MYO5B: variants seen among roughly 807,000 people sequenced by gnomAD.
The protein encoded by MYO5B is unconventional myosin-Vb.
MYO5B carries 143 observed loss-of-function variants against 229.3 expected under a neutral mutation model. The observed-to-expected ratio is 0.62, with a 90% confidence interval of 0.54 to 0.72. The LOEUF (loss-of-function observed/expected upper bound fraction) is 0.72, where lower values mean the gene tolerates loss of function less well. Among genes scored for constraint, MYO5B ranks in the 30% least tolerant of loss-of-function variants. The pLI, the probability that MYO5B is intolerant of heterozygous loss-of-function variation, is 0.00. For synonymous variants in MYO5B, 918 were observed against 885.2 expected (o/e 1.04, Z -0.66); for missense variants, 2,321 against 2,331.0 (o/e 1.00, Z 0.09).
At chr18:50,158,617 C>CA (rs2032718082) in intron 1 of MYO5B, among the ~76,000 whole-genome samples, 1 of 152,186 alleles carries the variant, frequency 6.6e-6, no homozygotes, top group African/African-American at 2.4e-5. Flanking sequence ...GAACACCCTT[C>CA]AAAATCACCT....
intron 4 of MYO5B, among the ~76,000 whole-genome samples, chr18:50,004,415 C>T (rs1332233051): frequency 6.6e-6 from 1 of 152,198 alleles, no homozygotes; most frequent in Non-Finnish European, 1.5e-5. Context: ...TTGGAAATCA[C>T]CAGTAGTGCT....
Position 49,912,145 on chromosome 18 carries a change from AC to A in MYO5B, c.2118del (p.Tyr707IlefsTer64). 3 of 1,613,938 alleles carry A rather than the reference AC, an allele frequency of 1.9e-6. No individual in the cohort carries two copies. The highest frequency in any genetic ancestry group is 2.5e-6 in the Non-Finnish European group (3 of 1,179,986). On this transcript the variant is annotated frameshift_variant, in exon 18 of 40. Transcript: ENST00000285039. LOFTEE classifies it high-confidence loss of function. ...SRWAYHDFFN[R>X]YRVLVKKREL... Reference sequence around the variant, plus strand: ...TCTCTCTTCTTGACCAGCACCCGATACCGGTTGAAAAAGTCATGGTAGGCCC... The same window carrying A: ...TCTCTCTTCTTGACCAGCACCCGATACGGTTGAAAAAGTCATGGTAGGCCC...
intron 4 of MYO5B, among the ~76,000 whole-genome samples, chr18:50,009,956 T>A (rs1403895282): frequency 2.0e-5 from 3 of 152,136 alleles, no homozygotes; most frequent in East Asian, 3.9e-4. Flanking sequence ...GATGTCCTCA[T>A]GCAGTCTGCC....
intron 10 of MYO5B, among the ~76,000 whole-genome samples, chr18:49,965,268 C>G (rs1272820809): frequency 6.6e-6 from 1 of 152,200 alleles, no homozygotes. Context: ...TGTGGTCACA[C>G]TCACCATGCC....
Position 49,976,725 on chromosome 18 carries a change from C to T in MYO5B, c.1057-2110G>A, listed in dbSNP as rs543029942. On this transcript the variant is annotated intron_variant, in intron 9 of 39. Transcript: ENST00000285039. ...TTTGGGCCGGGTGGGTGTGGAGAAGCCCCCATCTTTTCACACTCAGCAGAG... is the reference window on the plus strand; with the variant it reads ...TTTGGGCCGGGTGGGTGTGGAGAAGTCCCCATCTTTTCACACTCAGCAGAG... Among the ~76,000 whole-genome samples the T allele has an allele frequency of 1.1e-4, 17 of 152,252 alleles. No homozygotes were observed. The East Asian group carries it at 3.1e-3, about 28-fold the overall frequency.
chr18:49,861,674 A>G (rs1411209499), intron 29 of MYO5B, among the ~76,000 whole-genome samples: 1 of 148,612 alleles, frequency 6.7e-6, no homozygotes, highest in Non-Finnish European at 1.5e-5. Context: ...AAACTGCCCC[A>G]GCCTGAGTCA....
At chr18:49,951,063 G>A (rs955242989) in intron 14 of MYO5B, among the ~76,000 whole-genome samples, 5 of 152,136 alleles carry the variant, frequency 3.3e-5, no homozygotes, top group African/African-American at 7.2e-5. Context: ...AACCCTGGCC[G>A]CCTGGGCTCA....
chr18:50,086,815 A>AT (rs1401337080), intron 1 of MYO5B, among the ~76,000 whole-genome samples: 2 of 152,174 alleles, frequency 1.3e-5, no homozygotes, highest in Non-Finnish European at 2.9e-5. Context: ...AGTAGAGGAG[A>AT]TGAGCAGGCC....
At chr18:50,159,735 C>T (rs897025594) in intron 1 of MYO5B, among the ~76,000 whole-genome samples, 3 of 152,214 alleles carry the variant, frequency 2.0e-5, no homozygotes, top group African/African-American at 7.2e-5. Context: ...GCAACCAGCT[C>T]CCCTCTCTCC....
rs1166782043 is a variant in MYO5B at position 49,837,546 on chromosome 18, G to C, written c.5109C>G (p.Val1703=). 6.2e-7 allele frequency: 1 copy of C among 1,613,868 alleles called. No individual in the cohort carries two copies. ...GTTGCATGCCTGTGCTCCAAGAGCA[G>C]ACGTCCTTCCGCAAGAGCAGGTTGT... The part of the protein sequence containing the change: ...TLNNLLLRKD[V]CSWSTGMQLR... Residue 1703 remains valine, a synonymous_variant, in exon 37 of 40, where the codon GTC becomes GTG. Transcript: ENST00000285039.
chr18:49,906,335 G>A (rs1263229002), intron 19 of MYO5B, 84 bp downstream of exon 19: 1 of 1,368,862 alleles, frequency 7.3e-7, no homozygotes, highest in Non-Finnish European at 1.0e-6. Context: ...CACAGAGGAA[G>A]AGAGAAGCCA....
rs144515205 is a variant in MYO5B at position 49,897,609 on chromosome 18, C to T, written c.2812-2435G>A. Among the ~76,000 whole-genome samples, 945 of 152,070 alleles carry T rather than the reference C, an allele frequency of 6.2e-3. 16 individuals are homozygous for T. Among genetic ancestry groups the T allele is most frequent in the African/African-American group, 0.022 (909 of 41,472 alleles). ...AAAAAAGCTTACAGAATAAGGATAT[C>T]AAGAAATAAAAAATTTTTGTAGAGT... On this transcript the variant is annotated intron_variant, in intron 21 of 39. Transcript: ENST00000285039.
At chr18:49,884,735 G>C (rs1172079313) in intron 22 of MYO5B, among the ~76,000 whole-genome samples, 1 of 151,970 alleles carries the variant, frequency 6.6e-6, no homozygotes, top group Non-Finnish European at 1.5e-5. Context: ...TAGGGGTTGG[G>C]GACTCCTGTG....
At chr18:49,968,838 G>C (rs1018031884) in intron 10 of MYO5B, among the ~76,000 whole-genome samples, 3 of 152,158 alleles carry the variant, frequency 2.0e-5, no homozygotes, top group Non-Finnish European at 4.4e-5. Flanking sequence ...TGCTATAGAG[G>C]CCTGCGTTAG....
intron 28 of MYO5B, 123 bp downstream of exon 28, chr18:49,864,018 C>A: frequency 6.9e-7 from 1 of 1,450,226 alleles, no homozygotes; most frequent in South Asian, 1.2e-5. Flanking sequence ...GAGGAGACCC[C>A]ACAGCGAGAG....
rs2032325660 is a variant in MYO5B, at chr18:50,135,756, A to G, written c.27+59011T>C. 2.0e-5 allele frequency among the ~76,000 whole-genome samples: 3 copies of G among 152,210 alleles called. No homozygotes were observed. The South Asian group carries it at 6.2e-4, about 32-fold the overall frequency. ...GGTTTTTAAACAGCTACATCCTGTT[A>G]GACTGTTAGAAACTGCTAGGAGGTG... On this transcript the variant is annotated intron_variant, in intron 1 of 39. Coordinates refer to ENST00000285039, the MANE Select transcript of MYO5B (RefSeq NM_001080467.3).
intron 1 of MYO5B, among the ~76,000 whole-genome samples, chr18:50,124,474 T>C (rs546882352): frequency 2.6e-5 from 4 of 152,288 alleles, no homozygotes; most frequent in African/African-American, 9.6e-5. Context: ...TTCTATTAAA[T>C]GGATTAGGGA....
At chr18:49,842,104 A>T (rs1441438645) in intron 34 of MYO5B, among the ~76,000 whole-genome samples, 1 of 152,122 alleles carries the variant, frequency 6.6e-6, no homozygotes, top group Non-Finnish European at 1.5e-5. Context: ...AGAAAAAAAA[A>T]AAAAAAGAAA....
intron 1 of MYO5B, among the ~76,000 whole-genome samples, chr18:50,111,993 C>T (rs561870449): frequency 1.3e-5 from 2 of 152,306 alleles, no homozygotes; most frequent in African/African-American, 4.8e-5. Context: ...ATGGAGGTCA[C>T]ATCCTAGTGG....
Sources: allele counts gnomAD v4.1 joint callset (sites outside exome capture counted in the v4.1 genomes callset), GRCh38; gene constraint gnomAD v4.1.1; transcripts MANE v1.5; gene names NCBI Gene and HGNC (gene_info 2026-07-23, HGNC 2026-07-21).